The following IL1RAPL2 variants were observed in gnomAD, a reference collection of about 807,000 sequenced individuals.
IL1RAPL2 encodes interleukin 1 receptor accessory protein like 2, also known as X-linked interleukin-1 receptor accessory protein-like 2.
A neutral mutation model predicts 44.1 loss-of-function variants in IL1RAPL2; 3 were observed. That is an observed-to-expected ratio of 0.07 (90% CI 0.03 to 0.18). The LOEUF (loss-of-function observed/expected upper bound fraction) is 0.18. Among genes scored for constraint, IL1RAPL2 ranks in the 10% least tolerant of loss-of-function variants. The pLI is 1.00. For synonymous variants in IL1RAPL2, 181 were observed against 178.8 expected, an observed-to-expected ratio of 1.01 and a Z score of -0.10; for missense variants, 391 against 496.4, an observed-to-expected ratio of 0.79 and a Z score of 2.02.
chrX:104,879,848 A>T (rs1337537554), intron 2 of IL1RAPL2, among the ~76,000 whole-genome samples: 1 of 111,149 alleles, frequency 9.0e-6, no homozygotes, highest in Non-Finnish European at 1.9e-5. Flanking sequence ...AGATGGGAGG[A>T]AAGTGGAGAC....
chrX:104,821,401 C>T (rs191260116), intron 2 of IL1RAPL2, among the ~76,000 whole-genome samples: 90 of 110,854 alleles, frequency 8.1e-4, no homozygotes, highest in African/African-American at 2.8e-3. Context: ...CCCTTGCCCC[C>T]CACCTGTTGA....
intron 2 of IL1RAPL2, among the ~76,000 whole-genome samples, chrX:104,986,169 T>C (rs771387820): frequency 4.6e-4 from 51 of 112,061 alleles, no homozygotes; most frequent in Admixed American, 8.5e-4. Context: ...TTATATGTGA[T>C]CTTACATTGT....
chrX:104,893,833 T>G (rs1222560941), intron 2 of IL1RAPL2, among the ~76,000 whole-genome samples: 1 of 111,804 alleles, frequency 8.9e-6, no homozygotes, highest in Non-Finnish European at 1.9e-5. Flanking sequence ...GTCATTATGA[T>G]GTTAGCTGGT....
intron 2 of IL1RAPL2, among the ~76,000 whole-genome samples, chrX:105,035,595 A>G (rs1324056471): frequency 8.9e-6 from 1 of 112,271 alleles, no homozygotes; most frequent in Non-Finnish European, 1.9e-5. Flanking sequence ...GCTTTATTTG[A>G]CTATGGAACT....
chrX:104,664,378 T>A (rs1169842698), intron 2 of IL1RAPL2, among the ~76,000 whole-genome samples: 1 of 111,025 alleles, frequency 9.0e-6, no homozygotes, highest in Non-Finnish European at 1.9e-5. Context: ...TGAACTCTGA[T>A]CTCTGTAGCT....
chrX:105,757,317 T>C (rs983447765), intron 10 of IL1RAPL2, among the ~76,000 whole-genome samples: 2 of 112,318 alleles, frequency 1.8e-5, no homozygotes, highest in Non-Finnish European at 3.8e-5. Context: ...GAATTCATGA[T>C]GTATAATCAC....
At chrX:105,618,988 G>A (rs762463114) in intron 6 of IL1RAPL2, among the ~76,000 whole-genome samples, 2 of 111,172 alleles carry the variant, frequency 1.8e-5, no homozygotes, top group Admixed American at 9.6e-5. Context: ...TCCCATGGAG[G>A]TATAAGGGAG....
intron 2 of IL1RAPL2, among the ~76,000 whole-genome samples, chrX:104,999,364 A>C (rs921129749): frequency 9.0e-6 from 1 of 111,188 alleles, no homozygotes; most frequent in Non-Finnish European, 1.9e-5. Flanking sequence ...ACAGTGGAGA[A>C]GGTGTGAAAT....
intron 5 of IL1RAPL2, among the ~76,000 whole-genome samples, chrX:105,400,408 T>C (rs752565265): frequency 9.0e-6 from 1 of 111,299 alleles, no homozygotes; most frequent in African/African-American, 3.2e-5. Flanking sequence ...GTGCGGGCTC[T>C]TATATCATCC....
At chrX:104,955,513 G>GTATTATACTCCCATATATA (rs1925690355) in intron 2 of IL1RAPL2, among the ~76,000 whole-genome samples, 2 of 105,346 alleles carry the variant, frequency 1.9e-5, no homozygotes, top group African/African-American at 6.9e-5. Context: ...CCATATATAT[G>GTATTATACTCCCATATATA]TATTATACTC....
chrX:105,760,061 C>T (rs770504714), intron 10 of IL1RAPL2, among the ~76,000 whole-genome samples: 55 of 111,387 alleles, frequency 4.9e-4, no homozygotes, highest in Non-Finnish European at 9.6e-4. Flanking sequence ...TGTCCATTAT[C>T]CCCTTCATGT....
chrX:105,507,287 G>A (rs745500360), intron 6 of IL1RAPL2, among the ~76,000 whole-genome samples: 7 of 111,578 alleles, frequency 6.3e-5, no homozygotes, highest in African/African-American at 1.3e-4. Flanking sequence ...TGACCTTTTC[G>A]ACAACGTATA....
At chrX:104,867,387 T>C (rs1922648603) in intron 2 of IL1RAPL2, among the ~76,000 whole-genome samples, 1 of 111,214 alleles carries the variant, frequency 9.0e-6, no homozygotes, top group Non-Finnish European at 1.9e-5. Context: ...TAGCATCTAA[T>C]TGCCTCTTCT....
chrX:105,588,326 TAAAA>T (rs745586082), intron 6 of IL1RAPL2, among the ~76,000 whole-genome samples: 3 of 111,703 alleles, frequency 2.7e-5, no homozygotes, highest in East Asian at 5.6e-4. Context: ...AAAACTGTGA[TAAAA>T]AACTTTAAAA....
chrX:104,701,799 T>A (rs754674459), intron 2 of IL1RAPL2, among the ~76,000 whole-genome samples: 2 of 111,865 alleles, frequency 1.8e-5, no homozygotes, highest in African/African-American at 6.5e-5. Context: ...ATAGTCCCAG[T>A]TGGTAATGAC....
chrX:104,661,253 C>T (rs1055142103), intron 2 of IL1RAPL2, among the ~76,000 whole-genome samples: 2 of 111,479 alleles, frequency 1.8e-5, no homozygotes, highest in East Asian at 5.7e-4. Flanking sequence ...TCCATCCCTG[C>T]CAGGACAATA....
At chrX:104,983,884 A>T (rs189061941) in intron 2 of IL1RAPL2, among the ~76,000 whole-genome samples, 27 of 109,369 alleles carry the variant, frequency 2.5e-4, no homozygotes, top group Non-Finnish European at 5.1e-4. Flanking sequence ...GAATTTTAGG[A>T]ACCTCTGGCC....
rs1017413137 is a variant in IL1RAPL2, at chrX:105,450,851, T to C, written c.698-33462T>C. ...CTATTTTCCAAATGAAGAAACTTAA[T>C]GAACTTTGTCAACAGAGATGTAAAT... On this transcript the variant is annotated intron_variant, in intron 5 of 10. Coordinates refer to ENST00000372582, the MANE Select transcript of IL1RAPL2 (RefSeq NM_017416.2). Among the ~76,000 whole-genome samples the C allele has an allele frequency of 6.3e-4, 70 of 110,835 alleles. 1 individual carries two copies. The highest frequency in any genetic ancestry group is 2.0e-3 in the African/African-American group (60 of 30,412).
At chrX:105,345,300 A>C (rs1391104180) in intron 5 of IL1RAPL2, among the ~76,000 whole-genome samples, 3 of 111,825 alleles carry the variant, frequency 2.7e-5, no homozygotes, top group Non-Finnish European at 5.6e-5. Context: ...ACAAATACGC[A>C]TACTAGGGAA....
Sources: gnomAD v4.1 joint callset for allele counts (sites outside exome capture counted in the v4.1 genomes callset) on GRCh38, gnomAD v4.1.1 for gene constraint, MANE v1.5 for transcripts, NCBI Gene and HGNC (gene_info 2026-07-23, HGNC 2026-07-21) for gene names.